The following MON1B variants were observed in gnomAD, a reference collection of about 807,000 sequenced individuals.
MON1B encodes the protein MON1 vesicular trafficking associated B, also known as vacuolar fusion protein MON1 homolog B.
MON1B carries 26 observed loss-of-function variants against 45.1 expected under a neutral mutation model. The ratio of observed to expected loss-of-function variants is 0.58; its 90% CI spans 0.42 to 0.80. The LOEUF (loss-of-function observed/expected upper bound fraction) is 0.80, where lower values mean the gene tolerates loss of function less well. Ranked by LOEUF, MON1B falls within the 30% of genes least tolerant of loss-of-function variation. The pLI is 0.00. For missense variants in MON1B, 737 were observed against 754.5 expected (o/e 0.98, Z 0.27); for synonymous variants, 395 against 320.2 (o/e 1.23, Z -2.49).
intron 4 of MON1B, 139 bp downstream of exon 4, chr16:77,195,293 A>G: frequency 2.0e-6 from 2 of 1,022,970 alleles, no homozygotes; most frequent in East Asian, 2.6e-5. Flanking sequence ...CTGTCTGATG[A>G]TGGAGCATCA....
intron 5 of MON1B, 54 bp downstream of exon 5, chr16:77,195,736 C>T: frequency 1.9e-6 from 3 of 1,598,904 alleles, no homozygotes; most frequent in Non-Finnish European, 2.6e-6. Flanking sequence ...GCCTCCTTTC[C>T]CTATATTGTA....
chr16:77,194,997 A>C lies in MON1B; in HGVS notation c.1138A>C (p.Met380Leu). The change falls in exon 4 of 6, where the codon ATG becomes CTG. Residue 380 changes from methionine (M) to leucine (L), a missense_variant. Physicochemically the swap from Met to Leu is conservative, Grantham distance 15. Coordinates refer to ENST00000248248, the MANE Select transcript of MON1B (RefSeq NM_014940.4). This position sits in a 1 kb window ranked among gnomAD's most constrained non-coding sequence, Gnocchi z 8.1. ...AGATGGGATGCATGCCCTTGGTGCCATGCGTGCCCTTGGGGAGGCTGCCAG... is the reference window on the plus strand; with the variant it reads ...AGATGGGATGCATGCCCTTGGTGCCCTGCGTGCCCTTGGGGAGGCTGCCAG... ...VEDGMHALGA[M>L]RALGEAASFS... 6.2e-7 allele frequency: 1 copy of C among 1,613,644 alleles called. No homozygotes were observed. The highest frequency in any genetic ancestry group is 1.1e-5 in the South Asian group (1 of 91,082).
At position 77,199,545 on chromosome 16, in the gene MON1B, C is replaced by G; in HGVS notation, c.*1237C>G. Reference sequence around the variant, plus strand: ...GGGCAAGTGGGCTGCACTCCTTTCTCTCCAACCAGGGCAGAAAGGAGGGAG... The same window carrying G: ...GGGCAAGTGGGCTGCACTCCTTTCTGTCCAACCAGGGCAGAAAGGAGGGAG... On this transcript the variant is annotated 3_prime_UTR_variant, in exon 6 of 6. Coordinates refer to ENST00000248248, the MANE Select transcript of MON1B (RefSeq NM_014940.4). 1.3e-6 allele frequency: 2 copies of G among 1,495,750 alleles called. No individual in the cohort carries two copies. The highest frequency in any genetic ancestry group is 1.8e-4 in the Middle Eastern group (1 of 5,604). 92.7% of individuals were successfully genotyped at this position (1,495,750 alleles called of 1,614,324 possible). A position where few individuals can be genotyped will look rare whatever the true frequency, so the allele number is the denominator to read the frequency against.
rs768694538 is a variant in MON1B, at chr16:77,194,329, C to T, written c.476-6C>T. On this transcript the variant is annotated splice_polypyrimidine_tract_variant and splice_region_variant and intron_variant, in intron 3 of 5. Transcript: ENST00000248248. The surrounding 1 kb of genome is among the most constrained non-coding windows in gnomAD (Gnocchi z 8.1). ...TACCCCCCCTTCTTACCCCTTCCTTCCCTAGAGGACCACAAGCTGGTGTTC... is the reference window on the plus strand; with the variant it reads ...TACCCCCCCTTCTTACCCCTTCCTTTCCTAGAGGACCACAAGCTGGTGTTC... 10 of 1,601,962 alleles carry T rather than the reference C, an allele frequency of 6.2e-6. No homozygotes were observed. The highest frequency in any genetic ancestry group is 4.5e-5 in the East Asian group (2 of 44,872).
In MON1B at chr16:77,191,468, C is replaced by G; in HGVS notation, c.-10-8C>G. The G allele has an allele frequency of 6.3e-7, 1 of 1,588,840 alleles. No individual in the cohort carries two copies. The highest frequency in any genetic ancestry group is 8.5e-7 in the Non-Finnish European group (1 of 1,169,722). On this transcript the variant is annotated splice_polypyrimidine_tract_variant and splice_region_variant and intron_variant, in intron 1 of 5. Transcript: ENST00000248248. ...CCGCCCGTCACCCTCGATTCCCCTC[C>G]CACTCAGGGATGTGCAGATGGAGGT...
chr16:77,192,855 T>G (rs2054627858), intron 2 of MON1B, among the ~76,000 whole-genome samples: 1 of 152,022 alleles, frequency 6.6e-6, no homozygotes, highest in Non-Finnish European at 1.5e-5. Flanking sequence ...GTCCTAAATA[T>G]CTGGGTGTTA....
At chr16:77,196,381 A>G (rs1372271718) in intron 5 of MON1B, among the ~76,000 whole-genome samples, 2 of 152,214 alleles carry the variant, frequency 1.3e-5, no homozygotes, top group Non-Finnish European at 2.9e-5. Flanking sequence ...TTATATTTAT[A>G]AAGAGTTATA....
chr16:77,198,578 AT>A lies in MON1B; in HGVS notation c.*271del. The A allele has an allele frequency of 2.0e-6, 1 of 494,620 alleles. No homozygotes were observed. Among genetic ancestry groups the A allele is most frequent in the Non-Finnish European group, 3.7e-6 (1 of 270,738 alleles). 30.6% of individuals were successfully genotyped at this position (494,620 alleles called of 1,614,324 possible). On this transcript the variant is annotated 3_prime_UTR_variant, in exon 6 of 6. Coordinates refer to ENST00000248248, the MANE Select transcript of MON1B (RefSeq NM_014940.4). ...CCTCTGTCTCATCTCCTCCACTTGG[AT>A]GATGCTCTAGCCTCTGTCAGGGACT...
At chr16:77,197,052 T>A (rs901655747) in intron 5 of MON1B, among the ~76,000 whole-genome samples, 1 of 152,056 alleles carries the variant, frequency 6.6e-6, no homozygotes, top group Non-Finnish European at 1.5e-5. Context: ...GGAGCCCTTA[T>A]ACCTTTTAGT....
chr16:77,195,439 C>T (rs549190992), intron 4 of MON1B, 96 bp from the exon 5 acceptor site: 5 of 1,412,572 alleles, frequency 3.5e-6, no homozygotes, highest in African/African-American at 2.9e-5. Context: ...GGCTCAGCTC[C>T]CTAACTTCAT....
In MON1B at chr16:77,198,232, A is replaced by C. The variant is rs1332427333; in HGVS notation, c.1568A>C (p.Tyr523Ser). The C allele has an allele frequency of 1.9e-6, 3 of 1,613,864 alleles. No homozygotes were observed. The highest frequency in any genetic ancestry group is 2.5e-6 in the Non-Finnish European group (3 of 1,179,992). The change falls in exon 6 of 6, where the codon TAC becomes TCC. Residue 523 changes from tyrosine (Y) to serine (S), a missense_variant. Tyr to Ser is a moderately radical substitution (Grantham distance 144). Transcript: ENST00000248248. ...GAGGAGGACCGGCTCTTCATTCGTT[A>C]CCCACCCAAGTACTCCACACCACCA... ...KKEEDRLFIR[Y>S]PPKYSTPPAT...
chr16:77,193,551 T>C lies in MON1B; in HGVS notation c.249T>C (p.Asn83=), dbSNP rs1441755960. ...SRLWSPAAPE[N]SPTCSPESSS... ...TCTGGAGTCCTGCAGCCCCTGAGAA[T>C]AGTCCCACATGTAGCCCTGAGAGTA... The change falls in exon 3 of 6, where the codon AAT becomes AAC. Residue 83 remains asparagine, a synonymous_variant. Transcript: ENST00000248248. This position sits in a 1 kb window ranked among gnomAD's most constrained non-coding sequence, Gnocchi z 5.0. 5.6e-6 allele frequency: 9 copies of C among 1,613,802 alleles called. No homozygotes were observed. The highest frequency in any genetic ancestry group is 4.0e-5 in the African/African-American group (3 of 74,892).
At chr16:77,192,049 A>C (rs1226494097) in intron 2 of MON1B, among the ~76,000 whole-genome samples, 1 of 152,176 alleles carries the variant, frequency 6.6e-6, no homozygotes, top group African/African-American at 2.4e-5. Flanking sequence ...GAATCAGTGG[A>C]GTTCGATGGG....
At position 77,194,332 on chromosome 16, in the gene MON1B, T is replaced by C. The variant is rs1174701617; in HGVS notation, c.476-3T>C. 1 of 1,602,758 alleles carries C rather than the reference T, an allele frequency of 6.2e-7. No individual in the cohort carries two copies. The highest frequency in any genetic ancestry group is 8.5e-7 in the Non-Finnish European group (1 of 1,179,650). ...CCCCCCTTCTTACCCCTTCCTTCCC[T>C]AGAGGACCACAAGCTGGTGTTCCTA... On this transcript the variant is annotated splice_polypyrimidine_tract_variant and splice_region_variant and intron_variant, in intron 3 of 5. Coordinates refer to ENST00000248248, the MANE Select transcript of MON1B (RefSeq NM_014940.4). This position sits in a 1 kb window ranked among gnomAD's most constrained non-coding sequence, Gnocchi z 8.1.
At position 77,199,847 on chromosome 16, in the gene MON1B, A is replaced by G; in HGVS notation, c.*1539A>G. ...CACCGTGCTGCAGCCACCCCTTATT[A>G]ACAGTAATTCCCAGTGTCGCCATTT... is the stretch of plus-strand genomic sequence containing the variant. On this transcript the variant is annotated 3_prime_UTR_variant, in exon 6 of 6. Transcript: ENST00000248248. The G allele has an allele frequency of 9.4e-6, 2 of 212,252 alleles. No homozygotes were observed. The highest frequency in any genetic ancestry group is 1.9e-5 in the Non-Finnish European group (2 of 107,004). The allele number at this position is 212,252 out of a possible 1,614,324, so 13.1% of individuals were successfully genotyped here.
rs1189345724 is a variant in MON1B at position 77,198,625 on chromosome 16, C to T, written c.*317C>T. ...GGACTGTCCCCTCCAAACTTGCTTCCGTGGTCTGCCTCCTAGTTGAATCTC... is the reference window on the plus strand; with the variant it reads ...GGACTGTCCCCTCCAAACTTGCTTCTGTGGTCTGCCTCCTAGTTGAATCTC... On this transcript the variant is annotated 3_prime_UTR_variant, in exon 6 of 6. Transcript: ENST00000248248. 1.1e-5 allele frequency: 4 copies of T among 375,594 alleles called. No individual in the cohort carries two copies. Among genetic ancestry groups the T allele is most frequent in the Non-Finnish European group, 2.0e-5 (4 of 200,290 alleles). 23.3% of individuals were successfully genotyped at this position (375,594 alleles called of 1,614,324 possible).
chr16:77,201,558 A>C lies in MON1B; in HGVS notation c.*3250A>C, dbSNP rs1305277727. ...CTTTGCTAGAGGCAGTCGGCAGAGT[A>C]TTTTTAGCATCTAAAATGCTCTTCC... On this transcript the variant is annotated 3_prime_UTR_variant, in exon 6 of 6. Coordinates refer to ENST00000248248, the MANE Select transcript of MON1B (RefSeq NM_014940.4). The C allele has an allele frequency of 6.6e-6, 1 of 152,172 alleles. No homozygotes were observed. The highest frequency in any genetic ancestry group is 6.5e-5 in the Admixed American group (1 of 15,268). 9.4% of individuals were successfully genotyped at this position (152,172 alleles called of 1,614,324 possible).
intron 5 of MON1B, among the ~76,000 whole-genome samples, chr16:77,197,794 A>C (rs2054681287): frequency 6.6e-6 from 1 of 152,182 alleles, no homozygotes; most frequent in Non-Finnish European, 1.5e-5. Context: ...TTAGAGCAGG[A>C]CCTTGTACAC....
Position 77,193,902 on chromosome 16 carries a change from G to C in MON1B, c.475+125G>C, listed in dbSNP as rs1011781002. The C allele has an allele frequency of 6.1e-6, 6 of 988,740 alleles. No individual in the cohort carries two copies. The highest frequency in any genetic ancestry group is 3.3e-5 in the African/African-American group (2 of 61,092). 61.2% of individuals were successfully genotyped at this position (988,740 alleles called of 1,614,324 possible). A position where few individuals can be genotyped will look rare whatever the true frequency, so the allele number is the denominator to read the frequency against. On this transcript the variant is annotated intron_variant, in intron 3 of 5. Transcript: ENST00000248248. This position sits in a 1 kb window ranked among gnomAD's most constrained non-coding sequence, Gnocchi z 5.0. ...TTGGGTCCATGTGTGTGGATGGTCA[G>C]CCAGAGCTCTGTCAGTGGCGGGAGG...
Sources: allele counts gnomAD v4.1 joint callset (sites outside exome capture counted in the v4.1 genomes callset), GRCh38; gene constraint gnomAD v4.1.1; non-coding constraint Gnocchi (gnomAD v3.1); transcripts MANE v1.5; gene names NCBI Gene and HGNC (gene_info 2026-07-23, HGNC 2026-07-21).